TENM3: variants seen among roughly 807,000 people sequenced by gnomAD.
The protein encoded by TENM3 is teneurin-3.
In TENM3, 63 loss-of-function variants were observed where a neutral mutation model predicts 255.1. The observed-to-expected ratio is 0.25, with a 90% CI of 0.20 to 0.30. TENM3 has a LOEUF of 0.30. Ranked by LOEUF, TENM3 falls within the 10% of genes least tolerant of loss-of-function variation. The probability of loss-of-function intolerance (pLI) is 1.00; values close to 1 mark genes in which losing one functional copy is unlikely to be tolerated. For missense variants in TENM3, 2,929 were observed against 3,461.1 expected (o/e 0.85, Z 3.86); for synonymous variants, 1,306 against 1,322.3 (o/e 0.99, Z 0.27).
chr4:181,673,148 C>T, the TENM3 span, among the ~76,000 whole-genome samples: 147 of 152,250 alleles, frequency 9.7e-4, no homozygotes, highest in African/African-American at 3.5e-3. Context: ...AGCCATGTTC[C>T]ACAGGTTCAT....
chr4:181,467,135 T>A, the TENM3 span, among the ~76,000 whole-genome samples: 4 of 64,314 alleles, frequency 6.2e-5, no homozygotes, highest in Admixed American at 1.7e-4. Flanking sequence ...ATTTTTTTTT[T>A]TTTTTTTTTT....
the TENM3 span, among the ~76,000 whole-genome samples, chr4:182,008,679 A>G: frequency 6.6e-6 from 1 of 152,054 alleles, no homozygotes; most frequent in African/African-American, 2.4e-5. Flanking sequence ...ATGCTCCTTT[A>G]ACTCATCATA....
chr4:182,551,889 T>C (rs1241296734), intron 3 of TENM3, among the ~76,000 whole-genome samples: 6 of 151,904 alleles, frequency 3.9e-5, no homozygotes, highest in Non-Finnish European at 7.4e-5. Flanking sequence ...TGGTAGTGCA[T>C]GCCTGTAAGT....
At chr4:182,726,875 G>GA (rs952289944) in intron 13 of TENM3, among the ~76,000 whole-genome samples, 81 of 152,270 alleles carry the variant, frequency 5.3e-4, no homozygotes, top group African/African-American at 1.9e-3. Context: ...GTCAGATAAT[G>GA]AAGGAGCAAG....
At chr4:181,693,201 C>T in the TENM3 span, among the ~76,000 whole-genome samples, 4 of 152,198 alleles carry the variant, frequency 2.6e-5, no homozygotes, top group Non-Finnish European at 4.4e-5. Flanking sequence ...TGAAAGCGAT[C>T]TGTAAAGAAG....
the TENM3 span, among the ~76,000 whole-genome samples, chr4:181,883,286 G>A: frequency 9.2e-5 from 14 of 152,204 alleles, no homozygotes; most frequent in Admixed American, 4.6e-4. Context: ...GGGTGCACAC[G>A]TGTGTGTGTT....
the TENM3 span, among the ~76,000 whole-genome samples, chr4:181,559,425 A>G: frequency 1.4e-4 from 21 of 152,202 alleles, no homozygotes; most frequent in Admixed American, 1.4e-3. Flanking sequence ...TGGAGTAGTG[A>G]TTAAAGGGAT....
chr4:182,014,895 C>A, the TENM3 span, among the ~76,000 whole-genome samples: 1 of 152,194 alleles, frequency 6.6e-6, no homozygotes, highest in South Asian at 2.1e-4. Context: ...TTAACTAATG[C>A]TGAAGTTCAC....
chr4:181,740,489 G>A, the TENM3 span, among the ~76,000 whole-genome samples: 14 of 152,104 alleles, frequency 9.2e-5, no homozygotes, highest in African/African-American at 3.1e-4. Context: ...AGACCACAAA[G>A]AGCTGTAGTT....
intron 22 of TENM3, among the ~76,000 whole-genome samples, chr4:182,756,313 T>C (rs1481683089): frequency 6.6e-6 from 1 of 152,124 alleles, no homozygotes; most frequent in African/African-American, 2.4e-5. Context: ...TCAGCCAGGG[T>C]GTTCCAAGAG....
At chr4:182,451,101 C>T (rs948279235) in intron 3 of TENM3, among the ~76,000 whole-genome samples, 4 of 152,072 alleles carry the variant, frequency 2.6e-5, no homozygotes, top group African/African-American at 9.7e-5. Context: ...CATTGCAGCA[C>T]ATTATAGTAA....
chr4:182,605,913 C>T (rs977860116), intron 4 of TENM3, among the ~76,000 whole-genome samples: 8 of 152,102 alleles, frequency 5.3e-5, no homozygotes, highest in Admixed American at 4.6e-4. Context: ...CAAAGAGGGA[C>T]GTGTGATTAC....
chr4:182,526,263 AGC>A (rs1739166046), intron 3 of TENM3, among the ~76,000 whole-genome samples: 1 of 150,810 alleles, frequency 6.6e-6, no homozygotes, highest in East Asian at 1.9e-4. Flanking sequence ...TACAGGCGTG[AGC>A]CACCGCGCCC....
intron 1 of TENM3, among the ~76,000 whole-genome samples, chr4:182,270,324 G>T (rs1378147427): frequency 6.6e-6 from 1 of 152,162 alleles, no homozygotes; most frequent in Non-Finnish European, 1.5e-5. Flanking sequence ...ATATGCCAAA[G>T]AAATATATTT....
the TENM3 span, among the ~76,000 whole-genome samples, chr4:181,774,003 GTTTT>G: frequency 0.01 from 902 of 90,068 alleles, 17 homozygotes; most frequent in African/African-American, 0.039. Context: ...TGGTGGCTGT[GTTTT>G]TTTTTTTTTT....
intron 1 of TENM3, among the ~76,000 whole-genome samples, chr4:182,175,733 A>G (rs1249408752): frequency 6.6e-6 from 1 of 152,218 alleles, no homozygotes; most frequent in Non-Finnish European, 1.5e-5. Context: ...GTGTAGGAAG[A>G]ACCAGTGTAA....
the TENM3 span, among the ~76,000 whole-genome samples, chr4:182,052,867 T>C: frequency 6.6e-6 from 1 of 152,210 alleles, no homozygotes; most frequent in Non-Finnish European, 1.5e-5. Flanking sequence ...AGGTTCCAGC[T>C]TTAAAAGGTG....
chr4:182,588,045 G>A (rs1239462183), intron 3 of TENM3, among the ~76,000 whole-genome samples: 2 of 152,026 alleles, frequency 1.3e-5, no homozygotes, highest in South Asian at 2.1e-4. Context: ...TATAACTTAA[G>A]ATGGTATGAT....
chr4:181,631,876 G>A, the TENM3 span, among the ~76,000 whole-genome samples: 1 of 152,160 alleles, frequency 6.6e-6, no homozygotes, highest in South Asian at 2.1e-4. Context: ...CTGCTCTAGT[G>A]TATCAACTTT....
Sources: gnomAD v4.1 joint callset for allele counts (sites outside exome capture counted in the v4.1 genomes callset) on GRCh38, gnomAD v4.1.1 for gene constraint, MANE v1.5 for transcripts, NCBI Gene and HGNC (gene_info 2026-07-23, HGNC 2026-07-21) for gene names.